The following C20orf203 variants were observed in gnomAD, a reference collection of about 807,000 sequenced individuals.
The protein encoded by C20orf203 is chromosome 20 open reading frame 203, also known as uncharacterized protein C20orf203.
In C20orf203, 16 loss-of-function variants were observed where a neutral mutation model predicts 15.9. The observed-to-expected ratio is 1.01, with a 90% CI of 0.68 to 1.53. The LOEUF is 1.53. Ranked by LOEUF, C20orf203 falls within the 40% of genes most tolerant of loss-of-function variation. C20orf203 has a pLI of 0.00. For synonymous variants in C20orf203, 98 were observed against 97.2 expected (o/e 1.01, Z -0.05); for missense variants, 263 against 247.5 (o/e 1.06, Z -0.42).
intron 1 of C20orf203, among the ~76,000 whole-genome samples, chr20:32,655,906 GTTTGGGTCACGGAGGTGACT>G (rs1359907992): frequency 1.3e-5 from 2 of 152,260 alleles, no homozygotes; most frequent in East Asian, 3.8e-4. Context: ...GCTGGGAGAT[GTTTGGGTCACGGAGGTGACT>G]CCCTCATGAA....
intron 1 of C20orf203, among the ~76,000 whole-genome samples, chr20:32,665,073 A>C (rs1480624861): frequency 2.0e-5 from 3 of 152,206 alleles, no homozygotes; most frequent in Non-Finnish European, 4.4e-5. Flanking sequence ...CTGCCAAGTA[A>C]GTTCCCCTGA....
In C20orf203 at chr20:32,673,653, A is replaced by C. The variant is rs1004542995; in HGVS notation, c.-285T>G. On this transcript the variant is annotated 5_prime_UTR_variant, in exon 1 of 6. An upstream start codon of the reference 5' UTR is lost. Transcript: ENST00000608990. ...CCACCTGCAGGCTCCTCTGCCCGGCATTCATCTGTGCCACCTGCCCCGGCC... is the reference window on the plus strand; with the variant it reads ...CCACCTGCAGGCTCCTCTGCCCGGCCTTCATCTGTGCCACCTGCCCCGGCC... 6.6e-6 allele frequency: 1 copy of C among 152,590 alleles called. No homozygotes were observed. The highest frequency in any genetic ancestry group is 2.4e-5 in the African/African-American group (1 of 41,456). 9.5% of individuals were successfully genotyped at this position (152,590 alleles called of 1,614,324 possible). A position where few individuals can be genotyped will look rare whatever the true frequency, so the allele number is the denominator to read the frequency against.
At chr20:32,637,124 A>G (rs1187432114) in intron 5 of C20orf203, among the ~76,000 whole-genome samples, 2 of 152,244 alleles carry the variant, frequency 1.3e-5, no homozygotes, top group African/African-American at 4.8e-5. Context: ...ATGAACCAGC[A>G]CAGGGCTGGG....
intron 5 of C20orf203, among the ~76,000 whole-genome samples, chr20:32,635,680 G>A (rs1267303093): frequency 1.4e-5 from 2 of 147,636 alleles, no homozygotes; most frequent in African/African-American, 5.0e-5. Context: ...GCATGGTGGT[G>A]TGTGCCTGTA....
intron 1 of C20orf203, among the ~76,000 whole-genome samples, chr20:32,658,120 TGAG>T (rs1401494437): frequency 1.3e-5 from 2 of 152,004 alleles, no homozygotes; most frequent in African/African-American, 4.8e-5. Context: ...GCGGATCACC[TGAG>T]GTCAGGAGTT....
rs1010696272 is a variant in C20orf203, at chr20:32,642,720, C to T, written c.*1178-2033G>A. On this transcript the variant is annotated intron_variant, in intron 4 of 5. Transcript: ENST00000608990. The stretch of plus-strand genomic sequence containing the variant: ...GGGAACTGGTGGGGTGTGTCCCTGC[C>T]AGCCTCTGGCCCCAGAAACTCACTG... Among the ~76,000 whole-genome samples the T allele has an allele frequency of 2.6e-5, 4 of 152,112 alleles. No individual in the cohort carries two copies. The East Asian group carries it at 5.8e-4, about 22-fold the overall frequency.
intron 5 of C20orf203, among the ~76,000 whole-genome samples, chr20:32,637,745 T>A (rs1982176061): frequency 1.3e-5 from 2 of 152,272 alleles, no homozygotes; most frequent in Non-Finnish European, 2.9e-5. Context: ...TAAGAATTCA[T>A]TGAATGAATG....
Position 32,631,886 on chromosome 20 carries a change from C to G in C20orf203, c.*3684G>C, listed in dbSNP as rs1274204165. On this transcript the variant is annotated 3_prime_UTR_variant, in exon 6 of 6. Coordinates refer to ENST00000608990, the MANE Select transcript of C20orf203 (RefSeq NM_182584.4). ...CACTGTGGCTCCCTCTCCCCAAGGC[C>G]AGAGCCAGAGAGAGCTGGTTTCCAC... 6.6e-6 allele frequency: 1 copy of G among 152,274 alleles called. No individual in the cohort carries two copies. The highest frequency in any genetic ancestry group is 1.5e-5 in the Non-Finnish European group (1 of 68,100). 9.4% of individuals were successfully genotyped at this position (152,274 alleles called of 1,614,324 possible). A position where few individuals can be genotyped will look rare whatever the true frequency, so the allele number is the denominator to read the frequency against.
At chr20:32,647,379 G>A (rs1436862898) in intron 4 of C20orf203, among the ~76,000 whole-genome samples, 3 of 134,916 alleles carry the variant, frequency 2.2e-5, no homozygotes, top group African/African-American at 8.4e-5. Context: ...TGGGAGACAA[G>A]AGTGAAACTC....
chr20:32,635,925 G>A (rs980794044), intron 5 of C20orf203, among the ~76,000 whole-genome samples: 2 of 152,150 alleles, frequency 1.3e-5, no homozygotes, highest in East Asian at 1.9e-4. Flanking sequence ...GGAGCCACCC[G>A]GAATGACGTG....
chr20:32,648,823 T>C (rs1982519383), intron 4 of C20orf203, among the ~76,000 whole-genome samples: 1 of 151,938 alleles, frequency 6.6e-6, no homozygotes, highest in Admixed American at 6.6e-5. Context: ...GTACAGGGAG[T>C]TCCTATTGGC....
At chr20:32,647,741 G>A (rs941685694) in intron 4 of C20orf203, among the ~76,000 whole-genome samples, 9 of 152,210 alleles carry the variant, frequency 5.9e-5, no homozygotes, top group East Asian at 3.9e-4. Flanking sequence ...TGTGGAAAGC[G>A]CCAGATACAG....
chr20:32,643,258 A>G (rs533111847), intron 4 of C20orf203, among the ~76,000 whole-genome samples: 1 of 152,198 alleles, frequency 6.6e-6, no homozygotes, highest in Admixed American at 6.5e-5. Context: ...TTGGGCAGGC[A>G]CTTGGCCTCT....
rs540441640 is a variant in C20orf203 at position 32,663,590 on chromosome 20, C to T, written c.-264+10042G>A. Among the ~76,000 whole-genome samples the T allele has an allele frequency of 1.0e-3, 154 of 152,332 alleles. 1 individual carries two copies. The highest frequency in any genetic ancestry group is 6.8e-3 in the Middle Eastern group (2 of 294). On this transcript the variant is annotated intron_variant, in intron 1 of 5. Coordinates refer to ENST00000608990, the MANE Select transcript of C20orf203 (RefSeq NM_182584.4). Reference sequence around the variant, plus strand: ...GGATGACAGATGATTTTCATTTTCTCCTTTCTACCTTCTTGTAGTTTCCAA... The same window carrying T: ...GGATGACAGATGATTTTCATTTTCTTCTTTCTACCTTCTTGTAGTTTCCAA...
rs529505733 is a variant in C20orf203 at position 32,632,471 on chromosome 20, G to C, written c.*3099C>G. 5 of 152,238 alleles carry C rather than the reference G, an allele frequency of 3.3e-5. No individual in the cohort carries two copies. In the East Asian group the frequency reaches 9.7e-4, roughly 29 times the overall value. The allele number at this position is 152,238 out of a possible 1,614,324, so 9.4% of individuals were successfully genotyped here. A position where few individuals can be genotyped will look rare whatever the true frequency, so the allele number is the denominator to read the frequency against. On this transcript the variant is annotated 3_prime_UTR_variant, in exon 6 of 6. Coordinates refer to ENST00000608990, the MANE Select transcript of C20orf203 (RefSeq NM_182584.4). Reference sequence around the variant, plus strand: ...CTTTTCTCCTCAGCCCCCAGTCCCCGCCCGGGAGAACCCATGTGCGCACTG... The same window carrying C: ...CTTTTCTCCTCAGCCCCCAGTCCCCCCCCGGGAGAACCCATGTGCGCACTG...
chr20:32,659,853 T>C (rs1277343647), intron 1 of C20orf203, among the ~76,000 whole-genome samples: 1 of 152,244 alleles, frequency 6.6e-6, no homozygotes, highest in Non-Finnish European at 1.5e-5. Context: ...GCACTAGTAA[T>C]ATCAATTAAT....
At chr20:32,643,134 G>A (rs537941410) in intron 4 of C20orf203, among the ~76,000 whole-genome samples, 1 of 152,274 alleles carries the variant, frequency 6.6e-6, no homozygotes, top group South Asian at 2.1e-4. Flanking sequence ...TGCTGGTGGA[G>A]GCAGCTCCAA....
chr20:32,669,363 C>T (rs1305682257), intron 1 of C20orf203, among the ~76,000 whole-genome samples: 2 of 152,224 alleles, frequency 1.3e-5, no homozygotes, highest in Non-Finnish European at 2.9e-5. Context: ...CCGAATTTTC[C>T]TGGAACACTT....
In C20orf203 at chr20:32,651,848, G is replaced by A. The variant is rs1181684437; in HGVS notation, c.-130C>T. On this transcript the variant is annotated 5_prime_UTR_variant, in exon 2 of 6. Coordinates refer to ENST00000608990, the MANE Select transcript of C20orf203 (RefSeq NM_182584.4). Reference sequence around the variant, plus strand: ...GAAGAGGCAGCCTTGGATCCCTTGAGTGAGGAGAGGATGGGACCTGGATTC... The same window carrying A: ...GAAGAGGCAGCCTTGGATCCCTTGAATGAGGAGAGGATGGGACCTGGATTC... 2.6e-5 allele frequency: 4 copies of A among 152,396 alleles called. No homozygotes were observed. The highest frequency in any genetic ancestry group is 1.9e-4 in the East Asian group (1 of 5,200). 9.4% of individuals were successfully genotyped at this position (152,396 alleles called of 1,614,324 possible).
Sources: gnomAD v4.1 joint callset for allele counts (sites outside exome capture counted in the v4.1 genomes callset) on GRCh38, gnomAD v4.1.1 for gene constraint, MANE v1.5 for transcripts, NCBI Gene and HGNC (gene_info 2026-07-23, HGNC 2026-07-21) for gene names.